ADGRB3: variants seen among roughly 807,000 people sequenced by gnomAD.
ADGRB3 encodes adhesion G protein-coupled receptor B3.
Under a neutral mutation model 193.4 loss-of-function variants are expected in ADGRB3, and 37 were observed. That is an observed-to-expected ratio of 0.19 (90% CI 0.15 to 0.25). ADGRB3 has a LOEUF of 0.25. Among genes scored for constraint, ADGRB3 ranks in the 10% least tolerant of loss-of-function variants. The probability of loss-of-function intolerance (pLI) is 1.00; values close to 1 mark genes in which losing one functional copy is unlikely to be tolerated. For missense variants in ADGRB3, 1,637 were observed against 1,852.9 expected, an observed-to-expected ratio of 0.88 and a Z score of 2.14; for synonymous variants, 690 against 644.2, an observed-to-expected ratio of 1.07 and a Z score of -1.08.
chr6:68,803,835 C>T (rs1029147220), intron 3 of ADGRB3, among the ~76,000 whole-genome samples: 7 of 152,184 alleles, frequency 4.6e-5, no homozygotes, highest in South Asian at 2.1e-4. Flanking sequence ...CACTGCACTA[C>T]GGAAATGGTT....
chr6:69,180,185 G>A (rs1775541210), intron 17 of ADGRB3, among the ~76,000 whole-genome samples: 1 of 152,222 alleles, frequency 6.6e-6, no homozygotes, highest in South Asian at 2.1e-4. Context: ...TGCTTCAGGT[G>A]CCTGGAGATC....
chr6:68,991,182 C>A lies in ADGRB3; in HGVS notation c.1735-2586C>A, dbSNP rs181811516. Among the ~76,000 whole-genome samples the A allele has an allele frequency of 2.6e-4, 40 of 152,200 alleles. No individual in the cohort carries two copies. In the East Asian group the frequency reaches 7.4e-3, roughly 28 times the overall value. ...GACTATGTTCATGAGTAAGTTACAT[C>A]TTTCAAGTGTGCCTAACTTAATCCT... On this transcript the variant is annotated intron_variant, in intron 10 of 31. Coordinates refer to ENST00000370598, the MANE Select transcript of ADGRB3 (RefSeq NM_001704.3).
At chr6:69,250,358 T>C (rs1766594682) in intron 20 of ADGRB3, among the ~76,000 whole-genome samples, 1 of 152,118 alleles carries the variant, frequency 6.6e-6, no homozygotes, top group African/African-American at 2.4e-5. Flanking sequence ...AGACCACCTA[T>C]TTCTTTGTTT....
At chr6:69,035,914 G>T (rs943158216) in intron 13 of ADGRB3, among the ~76,000 whole-genome samples, 2 of 152,126 alleles carry the variant, frequency 1.3e-5, no homozygotes, top group Non-Finnish European at 2.9e-5. Flanking sequence ...AAATGGGAAA[G>T]ATTACACAGG....
At chr6:69,363,578 T>C (rs1314687477) in intron 29 of ADGRB3, among the ~76,000 whole-genome samples, 1 of 152,038 alleles carries the variant, frequency 6.6e-6, no homozygotes, top group Admixed American at 6.6e-5. Context: ...AATCTTTCTG[T>C]CCTGATCAAT....
intron 3 of ADGRB3, among the ~76,000 whole-genome samples, chr6:68,816,573 T>C (rs1767634949): frequency 5.3e-5 from 8 of 152,082 alleles, no homozygotes. Context: ...GCTCCCAAGC[T>C]ACCTTTTCTA....
intron 29 of ADGRB3, 36 bp downstream of exon 29, chr6:69,361,548 TGA>T: frequency 1.3e-5 from 21 of 1,575,932 alleles, no homozygotes; most frequent in Non-Finnish European, 1.7e-5. Flanking sequence ...CCTTGATAGT[TGA>T]AATATGAATA....
Position 69,088,263 on chromosome 6 carries a change from G to A in ADGRB3, c.2480+12225G>A, listed in dbSNP as rs115135066. On this transcript the variant is annotated intron_variant, in intron 17 of 31. Transcript: ENST00000370598. ...TTGACACATATGTTATACAAAAAGT[G>A]TCAAGTTTTATGTATCAATATACGT... Among the ~76,000 whole-genome samples the A allele has an allele frequency of 9.4e-3, 1,431 of 152,220 alleles. 24 individuals are homozygous for A. Among genetic ancestry groups the A allele is most frequent in the African/African-American group, 0.033 (1,365 of 41,534 alleles).
chr6:69,369,557 G>A (rs1309536855), intron 29 of ADGRB3, among the ~76,000 whole-genome samples: 3 of 151,990 alleles, frequency 2.0e-5, no homozygotes, highest in South Asian at 2.1e-4. Context: ...ACTTAACCAG[G>A]TGTTGTGGCA....
intron 17 of ADGRB3, among the ~76,000 whole-genome samples, chr6:69,089,093 A>T (rs994062920): frequency 6.6e-6 from 1 of 152,244 alleles, no homozygotes; most frequent in African/African-American, 2.4e-5. Context: ...AAGTTCTTTG[A>T]ATCTCCACAG....
Position 68,772,894 on chromosome 6 carries a change from A to AAT in ADGRB3, c.757+133500_757+133501dup, listed in dbSNP as rs1208790675. Among the ~76,000 whole-genome samples, 140 of 22,842 alleles carry AAT rather than the reference A, an allele frequency of 6.1e-3. 1 individual carries two copies. The highest frequency in any genetic ancestry group is 0.012 in the South Asian group (6 of 514). 15.0% of individuals were successfully genotyped at this position (22,842 alleles called of 152,430 possible). A position where few individuals can be genotyped will look rare whatever the true frequency, so the allele number is the denominator to read the frequency against. On this transcript the variant is annotated intron_variant, in intron 3 of 31. Coordinates refer to ENST00000370598, the MANE Select transcript of ADGRB3 (RefSeq NM_001704.3). Reference sequence around the variant, plus strand: ...ACAAACAAACAAACAAAAAAAAAAAAATATATATATATATATATATATATA... The same window carrying AAT: ...ACAAACAAACAAACAAAAAAAAAAAAATATATATATATATATATATATATATA...
At chr6:69,340,518 A>G (rs1198094193) in intron 26 of ADGRB3, among the ~76,000 whole-genome samples, 3 of 152,190 alleles carry the variant, frequency 2.0e-5, no homozygotes, top group Admixed American at 6.6e-5. Context: ...ACATGTACGT[A>G]TGAGTATAAA....
Position 69,233,276 on chromosome 6 carries a change from A to G in ADGRB3, c.2481-14A>G. The G allele has an allele frequency of 6.2e-7, 1 of 1,609,264 alleles. No individual in the cohort carries two copies. The highest frequency in any genetic ancestry group is 2.2e-5 in the East Asian group (1 of 44,642). On this transcript the variant is annotated splice_polypyrimidine_tract_variant and intron_variant, in intron 17 of 31. Coordinates refer to ENST00000370598, the MANE Select transcript of ADGRB3 (RefSeq NM_001704.3). ...ATTTATCCCGATTTCCTCCCCCCTC[A>G]CTCCCCTTTGCAGGAACGAGTCTTT...
intron 17 of ADGRB3, among the ~76,000 whole-genome samples, chr6:69,153,853 C>T (rs1774749515): frequency 6.6e-6 from 1 of 152,118 alleles, no homozygotes; most frequent in South Asian, 2.1e-4. Flanking sequence ...ATTAGCCAGG[C>T]ATGGTGGCAT....
chr6:68,993,191 G>GT (rs3839459), intron 10 of ADGRB3, among the ~76,000 whole-genome samples: 94 of 140,580 alleles, frequency 6.7e-4, no homozygotes, highest in African/African-American at 7.8e-4. Context: ...TGTTTTTGCT[G>GT]TTTTTTTTTA....
chr6:69,048,247 G>A lies in ADGRB3; in HGVS notation c.2170G>A (p.Gly724Arg), dbSNP rs1384012846. 6.2e-7 allele frequency: 1 copy of A among 1,613,538 alleles called. No homozygotes were observed. Among genetic ancestry groups the A allele is most frequent in the Non-Finnish European group, 8.5e-7 (1 of 1,179,720 alleles). ...VLTDINFPMK[G>R]RKGMVDWARN... is the part of the protein sequence containing the mutation. Reference sequence around the variant, plus strand: ...AACAGACATCAACTTTCCAATGAAAGGACGGAAGGGAATGGTTGACTGGGC... The same window carrying A: ...AACAGACATCAACTTTCCAATGAAAAGACGGAAGGGAATGGTTGACTGGGC... The change falls in exon 14 of 32, where the codon GGA (glycine) becomes AGA (arginine). Residue 724 changes from glycine to arginine, a missense_variant. Transcript: ENST00000370598.
intron 17 of ADGRB3, among the ~76,000 whole-genome samples, chr6:69,202,835 G>A (rs1045654618): frequency 7.9e-5 from 12 of 152,106 alleles, no homozygotes; most frequent in Admixed American, 5.9e-4. Context: ...TTGAAAAAGT[G>A]ATAAATTCCA....
chr6:69,277,216 A>G (rs1188770576), intron 20 of ADGRB3, among the ~76,000 whole-genome samples: 1 of 151,918 alleles, frequency 6.6e-6, no homozygotes, highest in Non-Finnish European at 1.5e-5. Flanking sequence ...GCTGGTCTTG[A>G]ACTCCTGACC....
intron 20 of ADGRB3, among the ~76,000 whole-genome samples, chr6:69,262,712 G>A (rs1766955913): frequency 6.6e-6 from 1 of 151,674 alleles, no homozygotes; most frequent in African/African-American, 2.4e-5. Context: ...ACATTCACAG[G>A]AATTTTATTA....
Sources: gnomAD v4.1 joint callset for allele counts (sites outside exome capture counted in the v4.1 genomes callset) on GRCh38, gnomAD v4.1.1 for gene constraint, MANE v1.5 for transcripts, NCBI Gene and HGNC (gene_info 2026-07-23, HGNC 2026-07-21) for gene names.